LARP4B: variants seen among roughly 807,000 people sequenced by gnomAD.
LARP4B encodes the protein la-related protein 4B.
A neutral mutation model predicts 89.8 loss-of-function variants in LARP4B; 12 were observed. The ratio of observed to expected loss-of-function variants is 0.13; its 90% CI spans 0.09 to 0.22. The LOEUF is 0.22. Ranked by LOEUF, LARP4B falls within the 10% of genes least tolerant of loss-of-function variation. The pLI is 1.00. For synonymous variants in LARP4B, 367 were observed against 363.3 expected (o/e 1.01, Z -0.12); for missense variants, 757 against 947.7 (o/e 0.80, Z 2.64).
intron 14 of LARP4B, 38 bp downstream of exon 14, chr10:820,762 A>G: frequency 6.5e-7 from 1 of 1,548,082 alleles, no homozygotes; most frequent in Non-Finnish European, 8.9e-7. Context: ...AATTAGATTT[A>G]AATGTCTTGT....
intron 3 of LARP4B, among the ~76,000 whole-genome samples, chr10:871,739 C>T (rs954061149): frequency 3.3e-5 from 5 of 152,114 alleles, no homozygotes; most frequent in African/African-American, 1.2e-4. Flanking sequence ...ACTTCCAAAT[C>T]TTACTGCAGT....
chr10:900,950 G>C (rs1164435650), intron 1 of LARP4B, among the ~76,000 whole-genome samples: 1 of 96,902 alleles, frequency 1.0e-5, no homozygotes, highest in Non-Finnish European at 2.0e-5. Flanking sequence ...ACGGAGTCTT[G>C]CTCTTTTTGC....
the LARP4B span, among the ~76,000 whole-genome samples, chr10:983,360 A>C: frequency 6.6e-6 from 1 of 152,220 alleles, no homozygotes; most frequent in Non-Finnish European, 1.5e-5. Context: ...TCCTGAACAG[A>C]GGCCCCTGCT....
chr10:909,870 T>A (rs940750160), intron 1 of LARP4B, among the ~76,000 whole-genome samples: 1 of 152,088 alleles, frequency 6.6e-6, no homozygotes, highest in African/African-American at 2.4e-5. Flanking sequence ...ACCTAAGACA[T>A]AGCAGTACCA....
chr10:838,450 GCAGAAGACCTGGA>G (rs1278214898), intron 7 of LARP4B, among the ~76,000 whole-genome samples: 3 of 152,130 alleles, frequency 2.0e-5, no homozygotes, highest in African/African-American at 7.2e-5. Flanking sequence ...TAAAAAATGG[GCAGAAGACCTGGA>G]CAGACACTTC....
chr10:830,372 C>T (rs2131663266), intron 9 of LARP4B, among the ~76,000 whole-genome samples: 1 of 152,268 alleles, frequency 6.6e-6, no homozygotes, highest in South Asian at 2.1e-4. Flanking sequence ...TTCTGAACCC[C>T]ACATACTGTT....
chr10:838,725 T>G (rs1833362158), intron 7 of LARP4B, among the ~76,000 whole-genome samples: 1 of 152,112 alleles, frequency 6.6e-6, no homozygotes, highest in African/African-American at 2.4e-5. Flanking sequence ...AAACAAATAA[T>G]ATTCTTAGCA....
intron 5 of LARP4B, among the ~76,000 whole-genome samples, chr10:862,054 G>A (rs1834639234): frequency 6.6e-6 from 1 of 152,064 alleles, no homozygotes; most frequent in Non-Finnish European, 1.5e-5. Flanking sequence ...TAACAAGGGG[G>A]ATGTAATCAA....
chr10:815,822 GC>G (rs1832018604), intron 15 of LARP4B: 1 of 152,248 alleles, frequency 6.6e-6, no homozygotes, highest in Non-Finnish European at 1.5e-5. Flanking sequence ...CAGACCTAGA[GC>G]CCTTCCAGCT....
At chr10:909,330 CAG>C (rs932619054) in intron 1 of LARP4B, among the ~76,000 whole-genome samples, 22 of 150,156 alleles carry the variant, frequency 1.5e-4, no homozygotes, top group African/African-American at 4.2e-4. Flanking sequence ...CCAAGTTGCT[CAG>C]AGAGTCAATG....
chr10:878,773 GGTACTGCCACACAAA>G (rs763646994), intron 3 of LARP4B, among the ~76,000 whole-genome samples: 20 of 152,098 alleles, frequency 1.3e-4, no homozygotes, highest in Non-Finnish European at 2.5e-4. Flanking sequence ...CTGTTTGCAT[GGTACTGCCACACAAA>G]GTTGATTTAT....
chr10:924,404 C>T (rs534783030), intron 1 of LARP4B: 3 of 152,358 alleles, frequency 2.0e-5, no homozygotes, highest in African/African-American at 7.2e-5. Flanking sequence ...GTAACACCCA[C>T]ATGTGACCAC....
intron 8 of LARP4B, among the ~76,000 whole-genome samples, chr10:831,959 A>ATATATAT (rs1440088694): frequency 7.9e-5 from 12 of 152,382 alleles, no homozygotes; most frequent in Admixed American, 7.8e-4. Flanking sequence ...TAACACATTT[A>ATATATAT]CTGCATATAT....
the LARP4B span, among the ~76,000 whole-genome samples, chr10:966,788 G>A: frequency 6.6e-6 from 1 of 151,874 alleles, no homozygotes; most frequent in East Asian, 1.9e-4. Flanking sequence ...CACAGAGAGA[G>A]GTAGGTTTCT....
chr10:908,735 G>A (rs1836569573), intron 1 of LARP4B, among the ~76,000 whole-genome samples: 4 of 152,196 alleles, frequency 2.6e-5, no homozygotes, highest in Admixed American at 2.6e-4. Flanking sequence ...CTTCAGGAGG[G>A]AAAGGTCAAA....
intron 1 of LARP4B, among the ~76,000 whole-genome samples, chr10:914,249 A>C (rs1836755336): frequency 6.6e-6 from 1 of 152,202 alleles, no homozygotes; most frequent in Non-Finnish European, 1.5e-5. Flanking sequence ...ATACGTAATT[A>C]AAACTATTAG....
In LARP4B at chr10:843,087, C is replaced by T; in HGVS notation, c.510-19G>A. ...GTTCTCCCTGTTGAAAGAAAACAAT[C>T]TCTTTTAATCAGTATTTCTTTAAAA... On this transcript the variant is annotated intron_variant, in intron 6 of 17. Coordinates refer to ENST00000316157, the MANE Select transcript of LARP4B (RefSeq NM_015155.3). The T allele has an allele frequency of 6.2e-7, 1 of 1,607,920 alleles. No homozygotes were observed. The highest frequency in any genetic ancestry group is 8.5e-7 in the Non-Finnish European group (1 of 1,176,020).
intron 1 of LARP4B, among the ~76,000 whole-genome samples, chr10:887,084 CCTCA>C (rs1179812822): frequency 6.8e-6 from 1 of 148,024 alleles, no homozygotes; most frequent in Non-Finnish European, 1.5e-5. Context: ...TGAAACTCCA[CCTCA>C]CTCACACACA....
At chr10:944,304 T>G in the LARP4B span, among the ~76,000 whole-genome samples, 2 of 152,154 alleles carry the variant, frequency 1.3e-5, no homozygotes, top group African/African-American at 4.8e-5. Flanking sequence ...TGGTGAAACC[T>G]GTTTCCTGGG....
Sources: gnomAD v4.1 joint callset for allele counts (sites outside exome capture counted in the v4.1 genomes callset) on GRCh38, gnomAD v4.1.1 for gene constraint, MANE v1.5 for transcripts, NCBI Gene and HGNC (gene_info 2026-07-23, HGNC 2026-07-21) for gene names.